IFFO2: variants seen among roughly 807,000 people sequenced by gnomAD.
The protein encoded by IFFO2 is intermediate filament family orphan 2.
Under a neutral mutation model 53.5 loss-of-function variants are expected in IFFO2, and 19 were observed. The observed-to-expected ratio is 0.36, with a 90% CI of 0.25 to 0.52. The LOEUF is 0.52. IFFO2 is among the 20% of genes least tolerant of loss of function. The pLI, the probability that IFFO2 is intolerant of heterozygous loss-of-function variation, is 0.94. For synonymous variants in IFFO2, 303 were observed against 313.6 expected (o/e 0.97, Z 0.36); for missense variants, 570 against 727.4 (o/e 0.78, Z 2.49).
chr1:18,955,942 C>A lies in IFFO2; in HGVS notation c.391G>T (p.Ala131Ser). The change falls in exon 1 of 9, where the codon GCC (alanine) becomes TCC (serine). Residue 131 changes from alanine to serine, a missense_variant. Physicochemically the swap from Ala to Ser is moderately conservative, Grantham distance 99 (BLOSUM62 1). Transcript: ENST00000455833. Reference protein sequence around the residue: ...GGHGLSSGAAAGANANAVALG... With the variant: ...GGHGLSSGAASGANANAVALG... ...GCCACGGCATTGGCGTTGGCGCCGGCCGCCGCGCCACTGCTGAGGCCGTGC... is the reference window on the plus strand; with the variant it reads ...GCCACGGCATTGGCGTTGGCGCCGGACGCCGCGCCACTGCTGAGGCCGTGC... 9.5e-6 allele frequency: 12 copies of A among 1,265,032 alleles called. No individual in the cohort carries two copies. Among genetic ancestry groups the A allele is most frequent in the Non-Finnish European group, 1.2e-5 (12 of 1,010,306 alleles). The allele number at this position is 1,265,032 out of a possible 1,614,324, so 78.4% of individuals were successfully genotyped here.
chr1:18,952,597 C>T (rs923991841), intron 1 of IFFO2, among the ~76,000 whole-genome samples: 3 of 152,138 alleles, frequency 2.0e-5, no homozygotes, highest in Non-Finnish European at 4.4e-5. Flanking sequence ...TGAAAAAAGC[C>T]AAACACAAAA....
chr1:18,933,433 G>T (rs1212947662), intron 1 of IFFO2, among the ~76,000 whole-genome samples: 1 of 152,194 alleles, frequency 6.6e-6, no homozygotes, highest in East Asian at 1.9e-4. Context: ...GGGTGGCTGG[G>T]GATTATGGGG....
In IFFO2 at chr1:18,916,117, T is replaced by G. The variant is rs1039010013; in HGVS notation, c.1103+786A>C. Among the ~76,000 whole-genome samples, 3 of 147,844 alleles carry G rather than the reference T, an allele frequency of 2.0e-5. No homozygotes were observed. The highest frequency in any genetic ancestry group is 2.0e-4 in the Admixed American group (3 of 14,922). On this transcript the variant is annotated intron_variant, in intron 5 of 8. Transcript: ENST00000455833. The surrounding 1 kb of genome is among the most constrained non-coding windows in gnomAD (Gnocchi z 4.3). The stretch of plus-strand genomic sequence containing the variant: ...TCCAGTCTGGGTGACAGAGTGAGAC[T>G]GTCTCAAAAAAAAAAATAGCCTACA...
At position 18,919,824 on chromosome 1, in the gene IFFO2, T is replaced by C; in HGVS notation, c.727-51A>G. Reference sequence around the variant, plus strand: ...TCAGAGGGGCCGGGTCCTCTGGGGATAGGAGGGTCTGGACACCTGAGTCCA... The same window carrying C: ...TCAGAGGGGCCGGGTCCTCTGGGGACAGGAGGGTCTGGACACCTGAGTCCA... On this transcript the variant is annotated intron_variant, in intron 2 of 8. Coordinates refer to ENST00000455833, the MANE Select transcript of IFFO2 (RefSeq NM_001136265.2). This position sits in a 1 kb window ranked among gnomAD's most constrained non-coding sequence, Gnocchi z 4.9. 7.5e-7 allele frequency: 1 copy of C among 1,335,572 alleles called. No individual in the cohort carries two copies. Among genetic ancestry groups the C allele is most frequent in the Non-Finnish European group, 1.0e-6 (1 of 953,736 alleles). 82.7% of individuals were successfully genotyped at this position (1,335,572 alleles called of 1,614,324 possible).
At chr1:18,911,895 G>C in intron 6 of IFFO2, 68 bp downstream of exon 6, 1 of 1,529,394 alleles carries the variant, frequency 6.5e-7, no homozygotes, top group Non-Finnish European at 8.8e-7. Flanking sequence ...AGGGATGAGG[G>C]ACCATTGAAA....
At chr1:18,912,224 G>C in intron 5 of IFFO2, 141 bp from the exon 6 acceptor site, 2 of 923,982 alleles carry the variant, frequency 2.2e-6, no homozygotes, top group Non-Finnish European at 3.2e-6. Context: ...TAAGCCAAAG[G>C]GGACATTCGC....
chr1:18,951,035 G>A (rs1936653569), intron 1 of IFFO2, among the ~76,000 whole-genome samples: 1 of 152,244 alleles, frequency 6.6e-6, no homozygotes, highest in Non-Finnish European at 1.5e-5. Context: ...CAGATGGAAG[G>A]TCTGTCCAGC....
intron 1 of IFFO2, among the ~76,000 whole-genome samples, chr1:18,935,290 G>A (rs1936433330): frequency 6.6e-6 from 1 of 152,140 alleles, no homozygotes; most frequent in African/African-American, 2.4e-5. Context: ...CTGAGAAATG[G>A]GCCAGACACT....
chr1:18,915,162 G>A (rs1936113119), intron 5 of IFFO2, among the ~76,000 whole-genome samples: 2 of 152,086 alleles, frequency 1.3e-5, no homozygotes, highest in Non-Finnish European at 2.9e-5. Flanking sequence ...GGCTCTGTGT[G>A]CCCCTCTGAG....
chr1:18,936,239 C>T lies in IFFO2; in HGVS notation c.666-15118G>A, dbSNP rs1233411249. ...TGCCAGCCTCAGTTTCCCCAAACAA[C>T]CTCCACAGTCCAGGCCAACTCTGCT... On this transcript the variant is annotated intron_variant, in intron 1 of 8. Transcript: ENST00000455833. This position sits in a 1 kb window ranked among gnomAD's most constrained non-coding sequence, Gnocchi z 4.5. 1.3e-5 allele frequency among the ~76,000 whole-genome samples: 2 copies of T among 152,240 alleles called. No individual in the cohort carries two copies. The highest frequency in any genetic ancestry group is 4.8e-5 in the African/African-American group (2 of 41,454).
intron 1 of IFFO2, among the ~76,000 whole-genome samples, chr1:18,946,711 C>T (rs1344734979): frequency 1.3e-5 from 2 of 152,084 alleles, no homozygotes; most frequent in African/African-American, 2.4e-5. Flanking sequence ...GCTACCGCAC[C>T]GGGCCTGGGC....
intron 1 of IFFO2, among the ~76,000 whole-genome samples, chr1:18,926,268 T>C (rs1194021934): frequency 6.6e-6 from 1 of 152,094 alleles, no homozygotes; most frequent in East Asian, 1.9e-4. Flanking sequence ...AGGAGGCAAA[T>C]TCCCAGCATA....
intron 6 of IFFO2, 124 bp downstream of exon 6, chr1:18,911,839 C>T (rs1344330162): frequency 2.3e-6 from 3 of 1,301,836 alleles, no homozygotes; most frequent in Non-Finnish European, 3.1e-6. Context: ...GCGCCTGGCC[C>T]AAAGGGGACA....
chr1:18,914,659 A>G (rs1481033646), intron 5 of IFFO2, among the ~76,000 whole-genome samples: 1 of 149,926 alleles, frequency 6.7e-6, no homozygotes, highest in African/African-American at 2.4e-5. Context: ...TCTACTAAAA[A>G]AATACAAAAA....
chr1:18,926,129 G>GGATGGATGGATTGGTTGGATGGATA (rs1936294004), intron 1 of IFFO2, among the ~76,000 whole-genome samples: 1 of 151,188 alleles, frequency 6.6e-6, no homozygotes, highest in African/African-American at 2.4e-5. Context: ...ATGGATGGAT[G>GGATGGATGGATTGGTTGGATGGATA]GATGGATGGA....
At chr1:18,955,632 C>G (rs1018087651) in intron 1 of IFFO2, 36 bp downstream of exon 1, 8 of 1,530,620 alleles carry the variant, frequency 5.2e-6, no homozygotes, top group Non-Finnish European at 6.1e-6. Flanking sequence ...CCTGGGCGCC[C>G]CGTCCCAGGG....
At chr1:18,920,766 G>C (rs958010728) in intron 2 of IFFO2, among the ~76,000 whole-genome samples, 2 of 152,202 alleles carry the variant, frequency 1.3e-5, no homozygotes, top group African/African-American at 2.4e-5. Flanking sequence ...GGGTGAGAAG[G>C]GTCGCTGGTC....
chr1:18,927,323 A>G (rs9426701), intron 1 of IFFO2, among the ~76,000 whole-genome samples: 1 of 139,368 alleles, frequency 7.2e-6, no homozygotes, highest in Non-Finnish European at 1.6e-5. Flanking sequence ...AAGGGAAATG[A>G]GCTCAGGTGA....
rs141517590 is a variant in IFFO2 at position 18,936,195 on chromosome 1, C to T, written c.666-15074G>A. Among the ~76,000 whole-genome samples, 1,067 of 152,284 alleles carry T rather than the reference C, an allele frequency of 7.0e-3. 11 individuals carry two copies. Among genetic ancestry groups the T allele is most frequent in the African/African-American group, 0.025 (1,022 of 41,552 alleles). ...GCAGCCCTGTCGCCTTAGATATGGCCACCCTGCCAGCCCCTCCCTGCCAGC... is the reference window on the plus strand; with the variant it reads ...GCAGCCCTGTCGCCTTAGATATGGCTACCCTGCCAGCCCCTCCCTGCCAGC... On this transcript the variant is annotated intron_variant, in intron 1 of 8. Coordinates refer to ENST00000455833, the MANE Select transcript of IFFO2 (RefSeq NM_001136265.2). This position sits in a 1 kb window ranked among gnomAD's most constrained non-coding sequence, Gnocchi z 4.5.
Sources: allele counts gnomAD v4.1 joint callset (sites outside exome capture counted in the v4.1 genomes callset), GRCh38; gene constraint gnomAD v4.1.1; non-coding constraint Gnocchi (gnomAD v3.1); transcripts MANE v1.5; gene names NCBI Gene and HGNC (gene_info 2026-07-23, HGNC 2026-07-21).